Variants in LRRC49 observed in about 807,000 individuals in gnomAD.
The protein encoded by LRRC49 is leucine rich repeat containing 49.
LRRC49 carries 50 observed loss-of-function variants against 83.3 expected under a neutral mutation model. The observed-to-expected ratio is 0.60, with a 90% CI of 0.48 to 0.76. LRRC49 has a LOEUF of 0.76. Among genes scored for constraint, LRRC49 ranks in the 30% least tolerant of loss-of-function variants. The pLI is 0.00. For missense variants in LRRC49, 704 were observed against 809.1 expected, an observed-to-expected ratio of 0.87 and a Z score of 1.58; for synonymous variants, 286 against 283.3, an observed-to-expected ratio of 1.01 and a Z score of -0.10.
intron 11 of LRRC49, among the ~76,000 whole-genome samples, chr15:70,987,791 C>A (rs561980791): frequency 1.3e-5 from 2 of 152,052 alleles, no homozygotes. Flanking sequence ...AAGTTTCCCT[C>A]TACACACTGC....
intron 1 of LRRC49, among the ~76,000 whole-genome samples, chr15:70,863,450 G>A (rs903164153): frequency 6.6e-6 from 1 of 152,312 alleles, no homozygotes; most frequent in African/African-American, 2.4e-5. Flanking sequence ...AAGTATTCTG[G>A]TCTAATAGAA....
chr15:70,862,691 T>C (rs1340713165), intron 1 of LRRC49, among the ~76,000 whole-genome samples: 1 of 152,018 alleles, frequency 6.6e-6, no homozygotes, highest in Non-Finnish European at 1.5e-5. Context: ...CCCAAAATGA[T>C]TCCAACATGC....
At chr15:70,859,345 G>C (rs1392302289) in intron 1 of LRRC49, 2 of 779,458 alleles carry the variant, frequency 2.6e-6, no homozygotes, top group Non-Finnish European at 4.7e-6. Flanking sequence ...TAGAGCTGGA[G>C]TCTTGCCTGG....
intron 15 of LRRC49, among the ~76,000 whole-genome samples, chr15:71,038,761 T>C (rs2039604699): frequency 6.6e-6 from 1 of 152,166 alleles, no homozygotes; most frequent in Non-Finnish European, 1.5e-5. Context: ...CCACCTTACA[T>C]AGTAAAAAGA....
intron 6 of LRRC49, among the ~76,000 whole-genome samples, chr15:70,913,786 T>C (rs1418325610): frequency 6.6e-6 from 1 of 152,198 alleles, no homozygotes; most frequent in Non-Finnish European, 1.5e-5. Context: ...TGAGAAATAA[T>C]AAACATATGA....
rs923555936 is a variant in LRRC49 at position 70,984,207 on chromosome 15, C to G, written c.1119C>G (p.Asp373Glu). 1 of 1,613,136 alleles carries G rather than the reference C, an allele frequency of 6.2e-7. No homozygotes were observed. Among genetic ancestry groups the G allele is most frequent in the Non-Finnish European group, 8.5e-7 (1 of 1,179,364 alleles). The change falls in exon 11 of 16, where the codon GAC becomes GAG. Residue 373 changes from aspartate (D) to glutamate (E), a missense_variant. Physicochemically the swap from Asp to Glu is conservative, Grantham distance 45 (BLOSUM62 2). Around this residue, in one of 3 missense-constraint regions of LRRC49, gnomAD observed 168 missense variants for 140.6 expected, o/e 1.20. Transcript: ENST00000260382. ...GAAAAGATTCTGACTCTCCTCAGGACCCCTGTCAGATTGATGGAAGCACCC... is the reference window on the plus strand; with the variant it reads ...GAAAAGATTCTGACTCTCCTCAGGAGCCCTGTCAGATTGATGGAAGCACCC... The part of the protein sequence containing the change: ...EDRKDSDSPQ[D>E]PCQIDGSTLS...
chr15:70,867,093 C>T (rs552269080), intron 1 of LRRC49, among the ~76,000 whole-genome samples: 1 of 151,104 alleles, frequency 6.6e-6, no homozygotes, highest in African/African-American at 2.4e-5. Flanking sequence ...AAGGTCCAAG[C>T]AGAAGACAGC....
intron 7 of LRRC49, among the ~76,000 whole-genome samples, chr15:70,919,974 A>G (rs1278779118): frequency 6.6e-6 from 1 of 152,198 alleles, no homozygotes; most frequent in Middle Eastern, 3.2e-3. Context: ...ATGCTGAGAT[A>G]TTTTGTATTC....
At chr15:70,883,026 G>C in intron 2 of LRRC49, 2 of 944,308 alleles carry the variant, frequency 2.1e-6, no homozygotes, top group South Asian at 1.8e-5. Context: ...TATTAGTAAG[G>C]CTGATATTTG....
intron 8 of LRRC49, among the ~76,000 whole-genome samples, chr15:70,959,798 AG>A: frequency 6.6e-6 from 1 of 152,296 alleles, no homozygotes; most frequent in Non-Finnish European, 1.5e-5. Flanking sequence ...CTGAAGAAAA[AG>A]TTAGAGGAGT....
intron 14 of LRRC49, among the ~76,000 whole-genome samples, chr15:71,019,072 C>T (rs143671235): frequency 6.6e-6 from 1 of 152,346 alleles, no homozygotes; most frequent in Non-Finnish European, 1.5e-5. Context: ...GGAACCTCCA[C>T]ATGTTCATCT....
intron 8 of LRRC49, 24 bp from the exon 9 acceptor site, chr15:70,963,761 C>T: frequency 2.5e-6 from 4 of 1,606,376 alleles, no homozygotes; most frequent in Non-Finnish European, 3.4e-6. Flanking sequence ...CAGAATAATC[C>T]AGTGGTTTCT....
At chr15:70,866,606 C>A (rs1407417580) in intron 1 of LRRC49, among the ~76,000 whole-genome samples, 1 of 152,104 alleles carries the variant, frequency 6.6e-6, no homozygotes, top group Non-Finnish European at 1.5e-5. Flanking sequence ...AAATCATCTT[C>A]AAGATCAAAT....
At position 71,052,978 on chromosome 15, in the gene LRRC49, G is replaced by C; in HGVS notation, c.*3366G>C. ...AAGCATATCGTAGACATTATGTGCG[G>C]TATAAATACTAACAAATGTATAAGT... On this transcript the variant is annotated 3_prime_UTR_variant, in exon 16 of 16. Transcript: ENST00000260382. 1 of 152,140 alleles carries C rather than the reference G, an allele frequency of 6.6e-6. No homozygotes were observed. Among genetic ancestry groups the C allele is most frequent in the East Asian group, 1.9e-4 (1 of 5,188 alleles). 9.4% of individuals were successfully genotyped at this position (152,140 alleles called of 1,614,324 possible). A position where few individuals can be genotyped will look rare whatever the true frequency, so the allele number is the denominator to read the frequency against.
At chr15:70,976,188 C>T (rs1265878112) in intron 9 of LRRC49, among the ~76,000 whole-genome samples, 1 of 152,166 alleles carries the variant, frequency 6.6e-6, no homozygotes, top group Non-Finnish European at 1.5e-5. Context: ...GACTATTTCC[C>T]TCCCCAGTAT....
chr15:71,018,020 G>A (rs2038880536), intron 14 of LRRC49, among the ~76,000 whole-genome samples: 1 of 152,050 alleles, frequency 6.6e-6, no homozygotes. Context: ...ATATGATACT[G>A]TTTATATTAC....
chr15:70,886,417 T>G (rs2033408790), intron 2 of LRRC49, among the ~76,000 whole-genome samples: 1 of 151,850 alleles, frequency 6.6e-6, no homozygotes, highest in African/African-American at 2.4e-5. Flanking sequence ...ATTCTGAAAA[T>G]CAATGATATA....
chr15:70,912,191 T>C (rs1348826388), intron 6 of LRRC49, among the ~76,000 whole-genome samples: 1 of 152,218 alleles, frequency 6.6e-6, no homozygotes, highest in African/African-American at 2.4e-5. Flanking sequence ...GGTAAGACTA[T>C]ACAAAAACTT....
chr15:70,875,311 A>G (rs928061222), intron 2 of LRRC49, among the ~76,000 whole-genome samples: 1 of 152,182 alleles, frequency 6.6e-6, no homozygotes. Context: ...CACAAAAGAG[A>G]CTGGACATAA....
Sources: allele counts gnomAD v4.1 joint callset (sites outside exome capture counted in the v4.1 genomes callset), GRCh38; gene constraint gnomAD v4.1.1; regional missense constraint gnomAD v4.1.1; transcripts MANE v1.5; gene names NCBI Gene and HGNC (gene_info 2026-07-23, HGNC 2026-07-21).